Variants in CYP39A1 observed in about 807,000 individuals in gnomAD.
CYP39A1 encodes the protein 24-hydroxycholesterol 7-alpha-hydroxylase.
A neutral mutation model predicts 58.1 loss-of-function variants in CYP39A1; 49 were observed. The ratio of observed to expected loss-of-function variants is 0.84; its 90% CI spans 0.67 to 1.07. CYP39A1 has a LOEUF of 1.07. Among genes scored for constraint, CYP39A1 ranks in the 50% least tolerant of loss-of-function variants. The pLI, the probability that CYP39A1 is intolerant of heterozygous loss-of-function variation, is 0.00. For synonymous variants in CYP39A1, 209 were observed against 187.6 expected (o/e 1.11, Z -0.93); for missense variants, 531 against 539.4 (o/e 0.98, Z 0.16).
At chr6:46,634,014 T>C (rs1008381110) in intron 5 of CYP39A1, among the ~76,000 whole-genome samples, 2 of 152,252 alleles carry the variant, frequency 1.3e-5, no homozygotes. Context: ...TTTTAAACAC[T>C]GGATTAGCTT....
At chr6:46,594,853 C>T (rs1159636660) in intron 8 of CYP39A1, among the ~76,000 whole-genome samples, 1 of 151,762 alleles carries the variant, frequency 6.6e-6, no homozygotes, top group Non-Finnish European at 1.5e-5. Flanking sequence ...GCCAAAGAAA[C>T]AGTCAACAGA....
rs955981539 is a variant in CYP39A1, at chr6:46,617,838, C to T, written c.931+7580G>A. On this transcript the variant is annotated intron_variant, in intron 7 of 11. Transcript: ENST00000275016. ...AAAATAGGGCCTGCTACTTAATTAG[C>T]GCTGACTATTAACTATTACTGTTTC... is the stretch of plus-strand genomic sequence containing the variant. 4.6e-5 allele frequency among the ~76,000 whole-genome samples: 7 copies of T among 152,110 alleles called. No individual in the cohort carries two copies. In the East Asian group the frequency reaches 1.2e-3, roughly 25 times the overall value.
intron 7 of CYP39A1, among the ~76,000 whole-genome samples, chr6:46,599,297 G>A (rs892996642): frequency 2.6e-5 from 4 of 151,512 alleles, no homozygotes; most frequent in Non-Finnish European, 4.4e-5. Flanking sequence ...GGAGCACAGC[G>A]GTGACAGTGA....
intron 7 of CYP39A1, among the ~76,000 whole-genome samples, chr6:46,615,175 G>A (rs1190940380): frequency 1.3e-5 from 2 of 151,734 alleles, no homozygotes; most frequent in Non-Finnish European, 2.9e-5. Context: ...CAGATTTTGC[G>A]TGGCCAAAAA....
intron 7 of CYP39A1, among the ~76,000 whole-genome samples, chr6:46,599,743 T>A (rs1338678928): frequency 2.0e-5 from 3 of 152,150 alleles, no homozygotes; most frequent in African/African-American, 7.2e-5. Flanking sequence ...CACAATAACA[T>A]TTTTTGCCTT....
intron 10 of CYP39A1, among the ~76,000 whole-genome samples, chr6:46,556,300 G>C (rs976507156): frequency 5.3e-5 from 8 of 152,196 alleles, no homozygotes; most frequent in Non-Finnish European, 7.3e-5. Flanking sequence ...ACAGGTCTGA[G>C]AGTATTATTA....
At chr6:46,640,929 G>A in intron 2 of CYP39A1, among the ~76,000 whole-genome samples, 1 of 151,860 alleles carries the variant, frequency 6.6e-6, no homozygotes, top group Non-Finnish European at 1.5e-5. Flanking sequence ...GATTTCCTGA[G>A]CATACATCTT....
rs1762600520 is a variant in CYP39A1, at chr6:46,650,347, G to C, written c.177+2059C>G. ...ATGAAGGTTGAGGTTTGTGTGATTT[G>C]AATCTCCCCTGGCACCAAAGGTGGG... On this transcript the variant is annotated intron_variant, in intron 1 of 11. Coordinates refer to ENST00000275016, the MANE Select transcript of CYP39A1 (RefSeq NM_016593.5). 2.7e-5 allele frequency among the ~76,000 whole-genome samples: 4 copies of C among 147,448 alleles called. No individual in the cohort carries two copies. In the South Asian group the frequency reaches 8.8e-4, roughly 32 times the overall value.
intron 7 of CYP39A1, among the ~76,000 whole-genome samples, chr6:46,600,361 T>C (rs1773415127): frequency 6.6e-6 from 1 of 152,072 alleles, no homozygotes; most frequent in African/African-American, 2.4e-5. Flanking sequence ...CCTCTAGTGA[T>C]CTGCCCACCT....
intron 7 of CYP39A1, among the ~76,000 whole-genome samples, chr6:46,600,308 A>G (rs542579432): frequency 6.6e-6 from 1 of 151,872 alleles, no homozygotes; most frequent in Admixed American, 6.6e-5. Flanking sequence ...TTTAGTAGAG[A>G]TGGGGTGTTG....
intron 11 of CYP39A1, among the ~76,000 whole-genome samples, chr6:46,550,934 A>C (rs1220722581): frequency 2.0e-5 from 3 of 152,180 alleles, no homozygotes; most frequent in African/African-American, 7.2e-5. Flanking sequence ...GCCCCCATAA[A>C]GATACTTTGT....
intron 8 of CYP39A1, among the ~76,000 whole-genome samples, chr6:46,595,336 T>A (rs950221885): frequency 6.6e-6 from 1 of 152,012 alleles, no homozygotes; most frequent in Non-Finnish European, 1.5e-5. Flanking sequence ...GAAATCAGTA[T>A]GTTGAAGACA....
In CYP39A1 at chr6:46,652,531, A is replaced by G. The variant is rs748007701; in HGVS notation, c.52T>C (p.Phe18Leu). 1.2e-5 allele frequency: 20 copies of G among 1,613,448 alleles called. No individual in the cohort carries two copies. Among genetic ancestry groups the G allele is most frequent in the Non-Finnish European group, 1.4e-5 (17 of 1,179,824 alleles). Residue 18 changes from phenylalanine to leucine, a missense_variant, in exon 1 of 12, where the codon TTC (phenylalanine) becomes CTC (leucine). Phe to Leu is a conservative substitution (Grantham distance 22). Coordinates refer to ENST00000275016, the MANE Select transcript of CYP39A1 (RefSeq NM_016593.5). Reference sequence around the variant, plus strand: ...AAATTCTTCCGCTGAAGGAGTAAGAACAGAGCAAGGCAACCCAGGATTATA... The same window carrying G: ...AAATTCTTCCGCTGAAGGAGTAAGAGCAGAGCAAGGCAACCCAGGATTATA... Reference protein sequence around the residue: ...VIIILGCLALFLLLQRKNLRR... With the variant: ...VIIILGCLALLLLLQRKNLRR...
At chr6:46,647,733 G>A (rs1269459360) in intron 1 of CYP39A1, among the ~76,000 whole-genome samples, 3 of 152,184 alleles carry the variant, frequency 2.0e-5, no homozygotes, top group Non-Finnish European at 4.4e-5. Flanking sequence ...TTCCAGTGAT[G>A]ATGAGCATTT....
At chr6:46,649,528 A>T (rs1762538512) in intron 1 of CYP39A1, among the ~76,000 whole-genome samples, 1 of 152,246 alleles carries the variant, frequency 6.6e-6, no homozygotes, top group African/African-American at 2.4e-5. Context: ...ATATCCATGC[A>T]TCTTCAAAGA....
chr6:46,624,481 T>G (rs1262689980), intron 7 of CYP39A1, among the ~76,000 whole-genome samples: 1 of 152,118 alleles, frequency 6.6e-6, no homozygotes, highest in Non-Finnish European at 1.5e-5. Context: ...TGACGCATAC[T>G]CAAGGCTCAG....
At chr6:46,605,064 G>T (rs1462372451) in intron 7 of CYP39A1, among the ~76,000 whole-genome samples, 1 of 151,610 alleles carries the variant, frequency 6.6e-6, no homozygotes, top group African/African-American at 2.4e-5. Flanking sequence ...TTACAAGTTT[G>T]TGTTGGGTCA....
At chr6:46,638,921 G>A (rs1055160226) in intron 3 of CYP39A1, among the ~76,000 whole-genome samples, 1 of 152,174 alleles carries the variant, frequency 6.6e-6, no homozygotes, top group African/African-American at 2.4e-5. Context: ...GCTTCAGAAT[G>A]GGGCTGACTC....
intron 7 of CYP39A1, among the ~76,000 whole-genome samples, chr6:46,598,035 C>T (rs1773272853): frequency 6.6e-6 from 1 of 152,098 alleles, no homozygotes; most frequent in Non-Finnish European, 1.5e-5. Context: ...TCTGCATCTT[C>T]ACAACCTAAA....
Sources: allele counts gnomAD v4.1 joint callset (sites outside exome capture counted in the v4.1 genomes callset), GRCh38; gene constraint gnomAD v4.1.1; transcripts MANE v1.5; gene names NCBI Gene and HGNC (gene_info 2026-07-23, HGNC 2026-07-21).